Variants in CDH18 observed in about 807,000 individuals in gnomAD.
The protein encoded by CDH18 is cadherin-18.
A neutral mutation model predicts 67.9 loss-of-function variants in CDH18; 31 were observed. The ratio of observed to expected loss-of-function variants is 0.46; its 90% CI spans 0.34 to 0.62. CDH18 has a LOEUF of 0.62. Among genes scored for constraint, CDH18 ranks in the 20% least tolerant of loss-of-function variants. The pLI is 0.01. For missense variants in CDH18, 890 were observed against 975.5 expected, an observed-to-expected ratio of 0.91 and a Z score of 1.17; for synonymous variants, 362 against 347.2, an observed-to-expected ratio of 1.04 and a Z score of -0.48.
In CDH18 at chr5:19,672,868, A is replaced by G. The variant is rs561877522; in HGVS notation, c.643+48479T>C. Among the ~76,000 whole-genome samples the G allele has an allele frequency of 7.2e-5, 11 of 152,168 alleles. No individual in the cohort carries two copies. In the East Asian group the frequency reaches 1.7e-3, roughly 24 times the overall value. Reference sequence around the variant, plus strand: ...TGTTTGTTTTCCATCTCTTGGTCAGAAATATTTTAAGTGTCAGATTTTGAA... The same window carrying G: ...TGTTTGTTTTCCATCTCTTGGTCAGGAATATTTTAAGTGTCAGATTTTGAA... On this transcript the variant is annotated intron_variant, in intron 5 of 12. Transcript: ENST00000382275.
chr5:19,892,351 T>C (rs552489665), intron 2 of CDH18, among the ~76,000 whole-genome samples: 4 of 152,218 alleles, frequency 2.6e-5, no homozygotes, highest in African/African-American at 7.2e-5. Flanking sequence ...AAATAATAAA[T>C]AAGGAAATTC....
intron 2 of CDH18, among the ~76,000 whole-genome samples, chr5:19,956,408 G>A (rs1291127494): frequency 6.6e-6 from 1 of 151,934 alleles, no homozygotes; most frequent in African/African-American, 2.4e-5. Context: ...TAGGCTAAAA[G>A]AGTAGGTCAA....
At chr5:20,215,373 A>C (rs1015584978) in intron 2 of CDH18, among the ~76,000 whole-genome samples, 1 of 151,918 alleles carries the variant, frequency 6.6e-6, no homozygotes, top group Non-Finnish European at 1.5e-5. Flanking sequence ...GGTACAAAGA[A>C]ATAGGATACA....
chr5:20,325,988 C>T (rs537708008), intron 1 of CDH18, among the ~76,000 whole-genome samples: 1 of 152,284 alleles, frequency 6.6e-6, no homozygotes, highest in South Asian at 2.1e-4. Flanking sequence ...TCTTCTTAGT[C>T]TTCATTGCTT....
chr5:19,856,960 C>T (rs915666493), intron 2 of CDH18, among the ~76,000 whole-genome samples: 7 of 152,016 alleles, frequency 4.6e-5, no homozygotes, highest in Non-Finnish European at 8.8e-5. Flanking sequence ...AGATCACTCA[C>T]GATTGTAATC....
chr5:20,283,512 C>A (rs1033124544), intron 1 of CDH18, among the ~76,000 whole-genome samples: 1 of 144,168 alleles, frequency 6.9e-6, no homozygotes, highest in Non-Finnish European at 1.5e-5. Flanking sequence ...TTCATGATCA[C>A]GGATCATCAG....
chr5:19,747,344 CT>C, intron 3 of CDH18, 108 bp from the exon 4 acceptor site: 1 of 859,266 alleles, frequency 1.2e-6, no homozygotes, highest in Non-Finnish European at 1.8e-6. Flanking sequence ...CTTTTCTTCC[CT>C]TTACAGTGCC....
At chr5:19,504,787 C>A (rs1036712262) in intron 10 of CDH18, among the ~76,000 whole-genome samples, 2 of 152,040 alleles carry the variant, frequency 1.3e-5, no homozygotes, top group East Asian at 1.9e-4. Context: ...TTTTCTCCAT[C>A]ATACCTCATA....
intron 2 of CDH18, among the ~76,000 whole-genome samples, chr5:19,934,913 G>T (rs1340697891): frequency 6.6e-6 from 1 of 151,256 alleles, no homozygotes; most frequent in African/African-American, 2.4e-5. Context: ...CAGATAAAAA[G>T]AGGAGAGGAA....
At chr5:20,351,184 G>A (rs1486301700) in intron 1 of CDH18, among the ~76,000 whole-genome samples, 2 of 143,246 alleles carry the variant, frequency 1.4e-5, no homozygotes. Flanking sequence ...GTGTGTGTGT[G>A]TGTGTGTGCG....
At chr5:19,485,088 T>C (rs1740152309) in intron 11 of CDH18, among the ~76,000 whole-genome samples, 1 of 152,080 alleles carries the variant, frequency 6.6e-6, no homozygotes, top group African/African-American at 2.4e-5. Context: ...AAAAGCTAAT[T>C]TTTAAAATAT....
chr5:19,647,527 C>CAAA (rs3062888), intron 5 of CDH18, among the ~76,000 whole-genome samples: 915 of 28,758 alleles, frequency 0.032, 108 homozygotes, highest in East Asian at 0.097. Context: ...GAGACTCCAT[C>CAAA]AAAAAAAAAA....
intron 8 of CDH18, among the ~76,000 whole-genome samples, chr5:19,559,169 CTG>C (rs1270810796): frequency 1.3e-5 from 2 of 151,734 alleles, no homozygotes; most frequent in Non-Finnish European, 3.0e-5. Context: ...ATCTATTGTA[CTG>C]TGTGTTTTTT....
rs16899239 is a variant in CDH18, at chr5:19,779,102, T to C, written c.229-31866A>G. Among the ~76,000 whole-genome samples, 984 of 152,292 alleles carry C rather than the reference T, an allele frequency of 6.5e-3. 10 individuals carry two copies. Among genetic ancestry groups the C allele is most frequent in the African/African-American group, 0.021 (886 of 41,580 alleles). On this transcript the variant is annotated intron_variant, in intron 3 of 12. Transcript: ENST00000382275. ...AATACTTTAAAAATTTTTATATTAA[T>C]ACATGAGGTAGATACTATGCCATTT...
At position 20,459,612 on chromosome 5, in the gene CDH18, G is replaced by A. The variant is rs188844533; in HGVS notation, c.-580+115850C>T. On this transcript the variant is annotated intron_variant, in intron 1 of 14. Transcript: ENST00000507958. ...CCTCCCCTAGACTTCCTGCCTCTGTGTACTGAACATAATTATATGGATGGG... is the reference window on the plus strand; with the variant it reads ...CCTCCCCTAGACTTCCTGCCTCTGTATACTGAACATAATTATATGGATGGG... Among the ~76,000 whole-genome samples the A allele has an allele frequency of 1.3e-4, 20 of 152,230 alleles. No individual in the cohort carries two copies. The East Asian group carries it at 3.5e-3, about 27-fold the overall frequency.
At chr5:20,543,485 T>C (rs1417227005) in intron 1 of CDH18, among the ~76,000 whole-genome samples, 1 of 152,132 alleles carries the variant, frequency 6.6e-6, no homozygotes, top group East Asian at 1.9e-4. Flanking sequence ...TCTGCTGTCA[T>C]GGATTTAAAG....
At chr5:20,022,990 T>G (rs1738561162) in intron 2 of CDH18, among the ~76,000 whole-genome samples, 1 of 152,196 alleles carries the variant, frequency 6.6e-6, no homozygotes, top group African/African-American at 2.4e-5. Context: ...AAATTTTCTT[T>G]TTCACAATCT....
At chr5:20,460,262 T>G (rs1473817432) in intron 1 of CDH18, among the ~76,000 whole-genome samples, 2 of 151,708 alleles carry the variant, frequency 1.3e-5, no homozygotes, top group African/African-American at 2.4e-5. Flanking sequence ...TGTGGTGGTG[T>G]GCGCCTGTAG....
intron 1 of CDH18, among the ~76,000 whole-genome samples, chr5:20,376,197 C>A (rs934351209): frequency 2.6e-4 from 39 of 149,198 alleles, no homozygotes; most frequent in Non-Finnish European, 4.4e-4. Flanking sequence ...GGGTTCACGC[C>A]ATTTTCCTGC....
Sources: gnomAD v4.1 joint callset for allele counts (sites outside exome capture counted in the v4.1 genomes callset) on GRCh38, gnomAD v4.1.1 for gene constraint, MANE v1.5 for transcripts, NCBI Gene and HGNC (gene_info 2026-07-23, HGNC 2026-07-21) for gene names.